Variants in SPPL2A observed in about 807,000 individuals in gnomAD.
The protein encoded by SPPL2A is signal peptide peptidase-like 2A.
SPPL2A carries 51 observed loss-of-function variants against 63.8 expected under a neutral mutation model. The ratio of observed to expected loss-of-function variants is 0.80; its 90% confidence interval spans 0.64 to 1.01. The LOEUF (loss-of-function observed/expected upper bound fraction) is 1.01, where lower values mean the gene tolerates loss of function less well. Ranked by LOEUF, SPPL2A falls within the 50% of genes least tolerant of loss-of-function variation. The pLI is 0.00. For missense variants in SPPL2A, 553 were observed against 622.7 expected, an observed-to-expected ratio of 0.89 and a Z score of 1.19; for synonymous variants, 188 against 205.8, an observed-to-expected ratio of 0.91 and a Z score of 0.74.
chr15:50,765,451 C>T lies in SPPL2A; in HGVS notation c.66+17G>A. The stretch of plus-strand genomic sequence containing the variant: ...GCCCAGCCCCTGGGAGGCCTGCGCG[C>T]CTTCCCGCCCCCTTACCAGCTGGAG... On this transcript the variant is annotated intron_variant, in intron 1 of 14. Transcript: ENST00000261854. 2.0e-6 allele frequency: 3 copies of T among 1,499,450 alleles called. No individual in the cohort carries two copies. Among genetic ancestry groups the T allele is most frequent in the South Asian group, 2.5e-5 (2 of 80,738 alleles). 92.9% of individuals were successfully genotyped at this position (1,499,450 alleles called of 1,614,324 possible).
rs1487090169 is a variant in SPPL2A at position 50,706,837 on chromosome 15, C to G, written c.*963G>C. Reference sequence around the variant, plus strand: ...AAAAAGGCTGTCAAACCAATGAAAACTAGATTTCAGTGTCTGTCTCCTTTT... The same window carrying G: ...AAAAAGGCTGTCAAACCAATGAAAAGTAGATTTCAGTGTCTGTCTCCTTTT... On this transcript the variant is annotated 3_prime_UTR_variant, in exon 15 of 15. Transcript: ENST00000261854. The G allele has an allele frequency of 6.6e-6, 1 of 151,488 alleles. No individual in the cohort carries two copies. The allele number at this position is 151,488 out of a possible 1,614,324, so 9.4% of individuals were successfully genotyped here.
chr15:50,735,562 C>T (rs535825090), intron 8 of SPPL2A, among the ~76,000 whole-genome samples: 1 of 151,686 alleles, frequency 6.6e-6, no homozygotes, highest in Non-Finnish European at 1.5e-5. Context: ...CACACACACA[C>T]ACACATATTT....
At chr15:50,748,339 A>G (rs1257835859) in intron 3 of SPPL2A, 137 bp from the exon 4 acceptor site, 2 of 433,992 alleles carry the variant, frequency 4.6e-6, no homozygotes, top group African/African-American at 4.2e-5. Flanking sequence ...TTAACACTCT[A>G]AGTTCTCAAA....
At chr15:50,711,066 G>T (rs1209816742) in intron 14 of SPPL2A, among the ~76,000 whole-genome samples, 1 of 152,070 alleles carries the variant, frequency 6.6e-6, no homozygotes, top group Admixed American at 6.6e-5. Context: ...TTAGAACTAA[G>T]ACTTCACATA....
chr15:50,740,985 A>G (rs1166098594), intron 5 of SPPL2A, among the ~76,000 whole-genome samples: 1 of 152,154 alleles, frequency 6.6e-6, no homozygotes, highest in Non-Finnish European at 1.5e-5. Flanking sequence ...ATGCTCATCA[A>G]TGTATTATAA....
At chr15:50,741,842 T>C (rs568762224) in intron 5 of SPPL2A, among the ~76,000 whole-genome samples, 22 of 152,032 alleles carry the variant, frequency 1.4e-4, no homozygotes, top group African/African-American at 5.3e-4. Flanking sequence ...GGCACGTGCC[T>C]GTAATCCCAG....
At chr15:50,724,193 G>C (rs1293543101) in intron 12 of SPPL2A, among the ~76,000 whole-genome samples, 2 of 152,062 alleles carry the variant, frequency 1.3e-5, no homozygotes, top group African/African-American at 4.8e-5. Context: ...TCTCTACCTG[G>C]TTTTACTATG....
At chr15:50,708,743 G>T (rs778443382) in intron 14 of SPPL2A, among the ~76,000 whole-genome samples, 1 of 149,356 alleles carries the variant, frequency 6.7e-6, no homozygotes, top group African/African-American at 2.5e-5. Flanking sequence ...CTATTTTAAA[G>T]AAATTATCAG....
At chr15:50,762,735 C>CTTT (rs72181864) in intron 1 of SPPL2A, among the ~76,000 whole-genome samples, 2 of 137,086 alleles carry the variant, frequency 1.5e-5, no homozygotes, top group Admixed American at 7.5e-5. Context: ...TTTTTCTTTT[C>CTTT]TTTTTTTTTT....
chr15:50,765,138 C>T (rs1455912915), intron 1 of SPPL2A, among the ~76,000 whole-genome samples: 6 of 152,046 alleles, frequency 3.9e-5, no homozygotes, highest in African/African-American at 1.2e-4. Context: ...TTTAAATATG[C>T]TGGGACAGTG....
chr15:50,708,895 G>A (rs991515740), intron 14 of SPPL2A, among the ~76,000 whole-genome samples: 1 of 151,838 alleles, frequency 6.6e-6, no homozygotes, highest in African/African-American at 2.4e-5. Flanking sequence ...AAATTAGCCA[G>A]GCGTGGTGGC....
At chr15:50,761,849 T>C (rs578122268) in intron 1 of SPPL2A, among the ~76,000 whole-genome samples, 2 of 151,718 alleles carry the variant, frequency 1.3e-5, no homozygotes, top group Non-Finnish European at 2.9e-5. Flanking sequence ...GGAGAATTGC[T>C]AGAACCCAGG....
intron 14 of SPPL2A, 66 bp downstream of exon 14, chr15:50,719,874 C>G: frequency 7.8e-7 from 1 of 1,277,720 alleles, no homozygotes; most frequent in East Asian, 2.3e-5. Flanking sequence ...ATAGGCTGTT[C>G]CCACCCAAAA....
chr15:50,729,119 A>C (rs374617167), intron 10 of SPPL2A, among the ~76,000 whole-genome samples: 2 of 152,086 alleles, frequency 1.3e-5, no homozygotes, highest in South Asian at 4.1e-4. Flanking sequence ...CGGCCTCTTA[A>C]TTATTGTATT....
intron 1 of SPPL2A, among the ~76,000 whole-genome samples, chr15:50,762,530 G>A (rs1471757562): frequency 6.6e-6 from 1 of 152,078 alleles, no homozygotes; most frequent in Non-Finnish European, 1.5e-5. Context: ...AATACACAGT[G>A]AGGTCACTCT....
intron 10 of SPPL2A, among the ~76,000 whole-genome samples, chr15:50,730,669 AT>A (rs1020593392): frequency 6.6e-6 from 1 of 151,966 alleles, no homozygotes. Context: ...ATGATATTTT[AT>A]TTTTTTTATT....
intron 5 of SPPL2A, among the ~76,000 whole-genome samples, chr15:50,745,495 G>A (rs1295460425): frequency 6.6e-6 from 1 of 151,754 alleles, no homozygotes; most frequent in Non-Finnish European, 1.5e-5. Flanking sequence ...TGAACTCCTG[G>A]GCTCAAGTGA....
chr15:50,724,593 A>G (rs1311315059), intron 12 of SPPL2A, among the ~76,000 whole-genome samples: 2 of 152,102 alleles, frequency 1.3e-5, no homozygotes, highest in Non-Finnish European at 2.9e-5. Flanking sequence ...AAAAAAAAGA[A>G]AAATGAAGAA....
intron 5 of SPPL2A, chr15:50,743,202 C>A (rs756159035): frequency 6.6e-6 from 1 of 152,242 alleles, no homozygotes; most frequent in Non-Finnish European, 1.5e-5. Context: ...ACCTGGGAGG[C>A]AGAGGTTGCA....
Sources: allele counts gnomAD v4.1 joint callset (sites outside exome capture counted in the v4.1 genomes callset), GRCh38; gene constraint gnomAD v4.1.1; transcripts MANE v1.5; gene names NCBI Gene and HGNC (gene_info 2026-07-23, HGNC 2026-07-21).